Variants in TNNI3K observed in about 807,000 individuals in gnomAD.
The protein encoded by TNNI3K is TNNI3 interacting kinase.
In TNNI3K, 140 loss-of-function variants were observed where a neutral mutation model predicts 114.5. That is an observed-to-expected ratio of 1.22 (90% CI 1.07 to 1.41). TNNI3K has a LOEUF of 1.41. Ranked by LOEUF, TNNI3K falls within the 40% of genes most tolerant of loss-of-function variation. The pLI is 0.00. For missense variants in TNNI3K, 1,125 were observed against 1,007.6 expected, an observed-to-expected ratio of 1.12 and a Z score of -1.58; for synonymous variants, 347 against 347.5, an observed-to-expected ratio of 1.00 and a Z score of 0.02.
intron 21 of TNNI3K, chr1:74,464,660 C>T (rs2100724484): frequency 6.3e-7 from 1 of 1,594,720 alleles, no homozygotes. Context: ...AGTCATTACC[C>T]AGTCTCATCT....
At chr1:74,467,672 G>C (rs1331351703) in intron 21 of TNNI3K, among the ~76,000 whole-genome samples, 1 of 152,056 alleles carries the variant, frequency 6.6e-6, no homozygotes, top group African/African-American at 2.4e-5. Context: ...AAAAATTGTA[G>C]TTCCTACAGT....
In TNNI3K at chr1:74,540,378, C is replaced by T. The variant is rs577249352; in HGVS notation, c.2431+65C>T. On this transcript the variant is annotated intron_variant, in intron 24 of 24. Transcript: ENST00000326637. ...CCCTAGGAAGGTGATGTCTATTTGA[C>T]AAAAAGGGAGAAAGCATTGCATATT... 4.9e-5 allele frequency: 73 copies of T among 1,482,408 alleles called. No individual in the cohort carries two copies. In the South Asian group the frequency reaches 8.6e-4, roughly 17 times the overall value. 91.8% of individuals were successfully genotyped at this position (1,482,408 alleles called of 1,614,324 possible).
chr1:74,433,091 C>T (rs985090616), intron 17 of TNNI3K, among the ~76,000 whole-genome samples: 1 of 152,076 alleles, frequency 6.6e-6, no homozygotes, highest in African/African-American at 2.4e-5. Context: ...TCTGTCACTG[C>T]TCCCACATTC....
chr1:74,334,993 G>A (rs1660393690), intron 6 of TNNI3K, among the ~76,000 whole-genome samples: 1 of 152,082 alleles, frequency 6.6e-6, no homozygotes, highest in South Asian at 2.1e-4. Context: ...TTTAAAAAAC[G>A]TTTTCAAAGC....
At chr1:74,325,537 G>A (rs1025654945) in intron 5 of TNNI3K, among the ~76,000 whole-genome samples, 10 of 152,142 alleles carry the variant, frequency 6.6e-5, no homozygotes, top group African/African-American at 2.4e-4. Flanking sequence ...AATGAATCCT[G>A]AGAAAACGTA....
At chr1:74,445,084 G>C (rs1666574978) in intron 20 of TNNI3K, among the ~76,000 whole-genome samples, 1 of 151,872 alleles carries the variant, frequency 6.6e-6, no homozygotes, top group African/African-American at 2.4e-5. Flanking sequence ...AAAAACCCTA[G>C]AAGAAAATCT....
chr1:74,540,407 A>C, intron 24 of TNNI3K, 94 bp downstream of exon 24: 1 of 1,149,778 alleles, frequency 8.7e-7, no homozygotes, highest in Non-Finnish European at 1.2e-6. Flanking sequence ...GCATATTGTA[A>C]TATCCAAAAT....
intron 24 of TNNI3K, among the ~76,000 whole-genome samples, chr1:74,543,533 T>C (rs1192468867): frequency 3.9e-5 from 6 of 152,206 alleles, no homozygotes; most frequent in African/African-American, 4.8e-5. Flanking sequence ...AAAGGTTAAG[T>C]TGACAAAAGT....
intron 4 of TNNI3K, 76 bp downstream of exon 4, chr1:74,250,845 T>TC (rs1654887473): frequency 7.3e-7 from 1 of 1,376,598 alleles, no homozygotes; most frequent in Non-Finnish European, 9.6e-7. Context: ...TTTTTTTTTT[T>TC]TTCAAATTAG....
At chr1:74,445,876 C>G (rs1666639769) in intron 20 of TNNI3K, among the ~76,000 whole-genome samples, 1 of 152,132 alleles carries the variant, frequency 6.6e-6, no homozygotes, top group Non-Finnish European at 1.5e-5. Flanking sequence ...TCCCAAAGTG[C>G]TGGGACTACA....
intron 17 of TNNI3K, among the ~76,000 whole-genome samples, chr1:74,409,843 GTAGGGATTTTATAT>G (rs1664801291): frequency 6.6e-6 from 1 of 152,068 alleles, no homozygotes; most frequent in South Asian, 2.1e-4. Flanking sequence ...ATTGTGGGGT[GTAGGGATTTTATAT>G]TTTTTATTAT....
chr1:74,417,717 T>TCA, intron 17 of TNNI3K, among the ~76,000 whole-genome samples: 1 of 144,036 alleles, frequency 6.9e-6, no homozygotes, highest in African/African-American at 2.5e-5. Flanking sequence ...TGTGTGTGTG[T>TCA]GTGTGTGTGT....
At chr1:74,508,108 A>C (rs1461276293) in intron 23 of TNNI3K, among the ~76,000 whole-genome samples, 1 of 152,246 alleles carries the variant, frequency 6.6e-6, no homozygotes, top group Non-Finnish European at 1.5e-5. Flanking sequence ...AAGAAAAAGG[A>C]GAGGCAGGCA....
chr1:74,478,885 C>T (rs1279378069), intron 21 of TNNI3K, among the ~76,000 whole-genome samples: 2 of 152,168 alleles, frequency 1.3e-5, no homozygotes, highest in Non-Finnish European at 2.9e-5. Context: ...TTAGCACATA[C>T]AATTACTGAC....
At chr1:74,284,205 A>T (rs2100263301) in intron 5 of TNNI3K, among the ~76,000 whole-genome samples, 1 of 152,282 alleles carries the variant, frequency 6.6e-6, no homozygotes. Context: ...TCATCCTGGG[A>T]TGGTGTTTAG....
At chr1:74,294,834 C>A (rs879578318) in intron 5 of TNNI3K, among the ~76,000 whole-genome samples, 5 of 151,674 alleles carry the variant, frequency 3.3e-5, no homozygotes, top group Non-Finnish European at 5.9e-5. Flanking sequence ...TGTTTAAAAA[C>A]CTTTTGTGCT....
At chr1:74,443,789 C>T (rs2100678529) in intron 20 of TNNI3K, among the ~76,000 whole-genome samples, 1 of 152,254 alleles carries the variant, frequency 6.6e-6, no homozygotes, top group South Asian at 2.1e-4. Context: ...AATCCAGCGG[C>T]ACATCAAAAA....
chr1:74,261,077 C>A (rs1187658871), intron 4 of TNNI3K, among the ~76,000 whole-genome samples: 1 of 151,874 alleles, frequency 6.6e-6, no homozygotes, highest in Admixed American at 6.6e-5. Flanking sequence ...GAAAAAAGTA[C>A]CAGCTTTTTC....
chr1:74,524,331 G>C (rs1053170713), intron 23 of TNNI3K, among the ~76,000 whole-genome samples: 7 of 152,238 alleles, frequency 4.6e-5, no homozygotes, highest in African/African-American at 1.4e-4. Flanking sequence ...GCCAGAAACA[G>C]AGGGGGCTTG....
Sources: allele counts gnomAD v4.1 joint callset (sites outside exome capture counted in the v4.1 genomes callset), GRCh38; gene constraint gnomAD v4.1.1; transcripts MANE v1.5; gene names NCBI Gene and HGNC (gene_info 2026-07-23, HGNC 2026-07-21).